The following TAFA2 variants were observed in gnomAD, a reference collection of about 807,000 sequenced individuals.
TAFA2 encodes TAFA chemokine like family member 2, also known as chemokine-like protein TAFA-2.
Under a neutral mutation model 18.8 loss-of-function variants are expected in TAFA2, and 7 were observed. The ratio of observed to expected loss-of-function variants is 0.37; its 90% CI spans 0.21 to 0.70. TAFA2 has a LOEUF of 0.70. Ranked by LOEUF, TAFA2 falls within the 30% of genes least tolerant of loss-of-function variation. The pLI is 0.53. For synonymous variants in TAFA2, 60 were observed against 54.2 expected (o/e 1.11, Z -0.47); for missense variants, 122 against 158.1 (o/e 0.77, Z 1.23).
At chr12:62,041,555 A>G (rs1490663625) in intron 1 of TAFA2, among the ~76,000 whole-genome samples, 1 of 152,180 alleles carries the variant, frequency 6.6e-6, no homozygotes, top group Non-Finnish European at 1.5e-5. Flanking sequence ...CTGACAAAAT[A>G]AAATATTTTC....
At chr12:62,047,613 A>G (rs1881943447) in intron 1 of TAFA2, among the ~76,000 whole-genome samples, 1 of 152,180 alleles carries the variant, frequency 6.6e-6, no homozygotes, top group Non-Finnish European at 1.5e-5. Flanking sequence ...CCAAAGTGTT[A>G]GTTTGCATTT....
chr12:62,155,532 C>T (rs191903722), intron 1 of TAFA2, among the ~76,000 whole-genome samples: 67 of 152,262 alleles, frequency 4.4e-4, no homozygotes, highest in African/African-American at 1.5e-3. Context: ...ATCACACTAC[C>T]TGACTTCAAA....
intron 4 of TAFA2, 144 bp downstream of exon 4, chr12:61,753,478 G>A (rs1419139863): frequency 1.5e-5 from 10 of 667,178 alleles, no homozygotes; most frequent in East Asian, 8.4e-5. Context: ...TGAAAAAAGC[G>A]AACTAAGAAA....
At chr12:61,951,999 G>A (rs1878485857) in intron 1 of TAFA2, among the ~76,000 whole-genome samples, 1 of 152,104 alleles carries the variant, frequency 6.6e-6, no homozygotes, top group African/African-American at 2.4e-5. Context: ...GTAGCAACTT[G>A]ACTTCTTCCT....
intron 1 of TAFA2, among the ~76,000 whole-genome samples, chr12:62,202,455 CT>C (rs2062675194): frequency 6.6e-6 from 1 of 151,922 alleles, no homozygotes; most frequent in Non-Finnish European, 1.5e-5. Flanking sequence ...AAGTGATTCT[CT>C]CGCCTCAGCC....
intron 4 of TAFA2, among the ~76,000 whole-genome samples, chr12:61,719,521 C>A (rs921492964): frequency 2.6e-5 from 4 of 152,160 alleles, no homozygotes; most frequent in African/African-American, 9.6e-5. Flanking sequence ...CCCCAACCAA[C>A]AGTAGCAAGC....
At chr12:61,925,327 T>C (rs1294021487) in intron 1 of TAFA2, among the ~76,000 whole-genome samples, 1 of 152,150 alleles carries the variant, frequency 6.6e-6, no homozygotes, top group Non-Finnish European at 1.5e-5. Context: ...ATTGACCACA[T>C]GATTGGAAGT....
intron 1 of TAFA2, among the ~76,000 whole-genome samples, chr12:62,007,065 T>C (rs1880575902): frequency 6.6e-6 from 1 of 152,210 alleles, no homozygotes; most frequent in Non-Finnish European, 1.5e-5. Context: ...GCGTCCTGTG[T>C]GATCTGTCAC....
At chr12:62,152,119 ACT>A (rs2062332871) in intron 1 of TAFA2, among the ~76,000 whole-genome samples, 2 of 152,112 alleles carry the variant, frequency 1.3e-5, no homozygotes, top group African/African-American at 4.8e-5. Context: ...ACTGCAGTCA[ACT>A]CTATCTAGAG....
intron 1 of TAFA2, among the ~76,000 whole-genome samples, chr12:61,925,489 G>A (rs948955949): frequency 6.6e-6 from 1 of 152,136 alleles, no homozygotes; most frequent in African/African-American, 2.4e-5. Flanking sequence ...AATGACTACT[G>A]GGTAAATAAT....
At chr12:62,128,562 C>T (rs529409165) in intron 1 of TAFA2, among the ~76,000 whole-genome samples, 1 of 152,082 alleles carries the variant, frequency 6.6e-6, no homozygotes, top group East Asian at 1.9e-4. Flanking sequence ...TATATCTCCC[C>T]ACCACTCCTG....
At chr12:62,010,062 T>C (rs1197182928) in intron 1 of TAFA2, among the ~76,000 whole-genome samples, 2 of 152,216 alleles carry the variant, frequency 1.3e-5, no homozygotes, top group Non-Finnish European at 2.9e-5. Flanking sequence ...CATTAGCTTT[T>C]ACATTTTTGT....
At chr12:61,755,046 G>A in intron 2 of TAFA2, 22 bp from the exon 3 acceptor site, 1 of 1,610,880 alleles carries the variant, frequency 6.2e-7, no homozygotes, top group Non-Finnish European at 8.5e-7. Flanking sequence ...AAAAAGATAA[G>A]ACAACATTGA....
intron 2 of TAFA2, among the ~76,000 whole-genome samples, chr12:61,792,522 TTG>T (rs1871023339): frequency 6.6e-6 from 1 of 151,518 alleles, no homozygotes; most frequent in African/African-American, 2.4e-5. Flanking sequence ...TACAATTATT[TTG>T]TGTCATTAAA....
At chr12:62,006,511 A>G (rs553787543) in intron 1 of TAFA2, among the ~76,000 whole-genome samples, 2 of 152,280 alleles carry the variant, frequency 1.3e-5, no homozygotes, top group African/African-American at 4.8e-5. Flanking sequence ...GATAAAATAG[A>G]TTTACAAGGC....
At chr12:61,745,529 T>G (rs1044264098) in intron 4 of TAFA2, among the ~76,000 whole-genome samples, 2 of 152,106 alleles carry the variant, frequency 1.3e-5, no homozygotes, top group Non-Finnish European at 2.9e-5. Context: ...ACTCCCTTGC[T>G]CAGCAACACT....
intron 1 of TAFA2, among the ~76,000 whole-genome samples, chr12:62,134,214 G>A (rs572777709): frequency 5.9e-5 from 9 of 152,018 alleles, no homozygotes; most frequent in Admixed American, 1.3e-4. Flanking sequence ...TCACAATACT[G>A]TTGATACAAA....
chr12:62,151,299 G>A (rs1663498), intron 1 of TAFA2, among the ~76,000 whole-genome samples: 147,883 of 152,320 alleles, frequency 0.97, 71,921 homozygotes, highest in Middle Eastern at 1. Flanking sequence ...CCATGCTGAA[G>A]GCCACCCACA....
At chr12:62,185,103 T>C (rs1026169234) in intron 1 of TAFA2, among the ~76,000 whole-genome samples, 1 of 152,204 alleles carries the variant, frequency 6.6e-6, no homozygotes, top group Non-Finnish European at 1.5e-5. Flanking sequence ...GAATGTATAT[T>C]TATAAGCATG....
Sources: allele counts gnomAD v4.1 joint callset (sites outside exome capture counted in the v4.1 genomes callset), GRCh38; gene constraint gnomAD v4.1.1; transcripts MANE v1.5; gene names NCBI Gene and HGNC (gene_info 2026-07-23, HGNC 2026-07-21).